The following GOLGA6L7 variants were observed in gnomAD, a reference collection of about 807,000 sequenced individuals.
The protein encoded by GOLGA6L7 is golgin A6 family like 7.
Under a neutral mutation model 68.9 loss-of-function variants are expected in GOLGA6L7, and 29 were observed. That is an observed-to-expected ratio of 0.42 (90% CI 0.31 to 0.57). GOLGA6L7 has a LOEUF of 0.57. Ranked by LOEUF, GOLGA6L7 falls within the 20% of genes least tolerant of loss-of-function variation. GOLGA6L7 has a pLI of 0.13. For missense variants in GOLGA6L7, 396 were observed against 588.4 expected (o/e 0.67, Z 3.38); for synonymous variants, 133 against 197.4 (o/e 0.67, Z 2.73).
intron 2 of GOLGA6L7, among the ~76,000 whole-genome samples, chr15:28,846,523 C>T (rs2030436213): frequency 6.6e-6 from 1 of 152,174 alleles, no homozygotes; most frequent in African/African-American, 2.4e-5. Flanking sequence ...GTGAGAAAAG[C>T]CCACCCTTCT....
In GOLGA6L7 at chr15:28,843,015, C is replaced by G; in HGVS notation, c.1089G>C (p.Trp363Cys). Residue 363 changes from tryptophan (W) to cysteine (C), a missense_variant, in exon 9 of 9, where the codon TGG becomes TGC. Coordinates refer to ENST00000567390, the MANE Select transcript of GOLGA6L7 (RefSeq NM_001365371.2). ...GCTCCCCTATCTGCTCCTCCTGCTT[C>G]CACATCTGCTCCTCCTGCTTCCGCA... is the stretch of plus-strand genomic sequence containing the variant. ...EQMRKQEEQM[W>C]KQEEQIGEQE... is the part of the protein sequence containing the mutation. The G allele has an allele frequency of 8.0e-7, 1 of 1,245,932 alleles. No homozygotes were observed. The highest frequency in any genetic ancestry group is 3.4e-5 in the South Asian group (1 of 29,734). The allele number at this position is 1,245,932 out of a possible 1,614,324, so 77.2% of individuals were successfully genotyped here.
intron 2 of GOLGA6L7, 80 bp from the exon 3 acceptor site, chr15:28,846,329 T>C (rs1595357794): frequency 8.2e-6 from 6 of 731,796 alleles, no homozygotes; most frequent in Non-Finnish European, 1.5e-5. Flanking sequence ...TAGGCAGGGG[T>C]CAGGAATGGA....
rs1325416569 is a variant in GOLGA6L7 at position 28,843,279 on chromosome 15, C to G, written c.825G>C (p.Glu275Asp). The G allele has an allele frequency of 1.2e-5, 15 of 1,266,178 alleles. No homozygotes were observed. The African/African-American group carries it at 1.7e-4, about 14-fold the overall frequency. The allele number at this position is 1,266,178 out of a possible 1,614,324, so 78.4% of individuals were successfully genotyped here. ...GCTCCTCCTGCTCCTGCATCTGCTG[C>G]TCCTGCTCCCGCAGCTCCTTCTCCT... ...RDQEKELREQ[E>D]QQMQEQEEQM... The change falls in exon 9 of 9, where the codon GAG becomes GAC. Residue 275 changes from glutamate to aspartate, a missense_variant. Physicochemically the swap from Glu to Asp is conservative, Grantham distance 45. Transcript: ENST00000567390.
chr15:28,842,489 T>C lies in GOLGA6L7; in HGVS notation c.1615A>G (p.Lys539Glu). 1.7e-5 allele frequency: 19 copies of C among 1,149,568 alleles called. No homozygotes were observed. The highest frequency in any genetic ancestry group is 2.1e-5 in the Non-Finnish European group (19 of 902,808). 71.2% of individuals were successfully genotyped at this position (1,149,568 alleles called of 1,614,324 possible). The change falls in exon 9 of 9, where the codon AAG becomes GAG. Residue 539 changes from lysine (K) to glutamate (E), a missense_variant. Lys to Glu is a moderately conservative substitution (Grantham distance 56). This residue lies in a region of GOLGA6L7 where 125 missense variants were observed against 163.3 expected (regional missense o/e 0.77). Transcript: ENST00000567390. ...TCTGAGCACCGCTCCTCCTGCGTCT[T>C]CTCCTGCTCTCCCATCCTCTCCTTC... is the stretch of plus-strand genomic sequence containing the variant. ...EKKERMGEQE[K>E]TQEERCSEPC...
At chr15:28,844,119 C>T (rs905727469) in intron 7 of GOLGA6L7, 86 bp downstream of exon 7, 1 of 520,644 alleles carries the variant, frequency 1.9e-6, no homozygotes, top group African/African-American at 2.0e-5. Flanking sequence ...TGACCCCCTA[C>T]CATGCTCACC....
Position 28,847,067 on chromosome 15 carries a change from C to G in GOLGA6L7, c.177G>C (p.Glu59Asp). The G allele has an allele frequency of 9.4e-7, 1 of 1,060,730 alleles. No individual in the cohort carries two copies. The highest frequency in any genetic ancestry group is 1.4e-6 in the Non-Finnish European group (1 of 702,078). 65.7% of individuals were successfully genotyped at this position (1,060,730 alleles called of 1,614,324 possible). A position where few individuals can be genotyped will look rare whatever the true frequency, so the allele number is the denominator to read the frequency against. ...AGACCGGCCAGCCAAGACTCACATC[C>G]TCAGGCGAGTGGCAGCCCCCCGAAG... ...TTTSGGCHSP[E>D]DKQQNRAQLK... The change falls in exon 2 of 9, where the codon GAG (glutamate) becomes GAC (aspartate). Residue 59 changes from glutamate (E) to aspartate (D), a missense_variant. Glu to Asp is a conservative substitution (Grantham distance 45). Coordinates refer to ENST00000567390, the MANE Select transcript of GOLGA6L7 (RefSeq NM_001365371.2).
intron 1 of GOLGA6L7, among the ~76,000 whole-genome samples, chr15:28,847,565 A>G (rs931150134): frequency 2.0e-5 from 3 of 152,272 alleles, no homozygotes; most frequent in African/African-American, 7.2e-5. Context: ...TTTCTGTTAA[A>G]TGTGGGAATT....
intron 6 of GOLGA6L7, 69 bp downstream of exon 6, chr15:28,845,460 G>A (rs745417087): frequency 1.0e-5 from 7 of 701,110 alleles, no homozygotes; most frequent in South Asian, 3.0e-5. Flanking sequence ...CTGCAGAAGG[G>A]ACCTTTAGGC....
intron 1 of GOLGA6L7, among the ~76,000 whole-genome samples, chr15:28,847,459 G>A (rs1237693488): frequency 1.3e-5 from 2 of 151,754 alleles, no homozygotes; most frequent in African/African-American, 2.4e-5. Flanking sequence ...CAGAGGCAGA[G>A]GTAGAAAAGT....
At chr15:28,844,356 A>G (rs895891957) in intron 6 of GOLGA6L7, 93 bp from the exon 7 acceptor site, 4 of 411,620 alleles carry the variant, frequency 9.7e-6, no homozygotes, top group Middle Eastern at 3.6e-4. Flanking sequence ...CCACAGTAAC[A>G]CTTGCTCCTC....
chr15:28,845,473 A>G (rs2030389155), intron 6 of GOLGA6L7, 56 bp downstream of exon 6: 1 of 701,750 alleles, frequency 1.4e-6, no homozygotes. Flanking sequence ...CTTTAGGCTC[A>G]TTCCTCCATC....
chr15:28,848,464 T>C, intron 1 of GOLGA6L7, 35 bp downstream of exon 1: 1 of 698,972 alleles, frequency 1.4e-6, no homozygotes, highest in East Asian at 2.7e-5. Context: ...TGGGGCTGGG[T>C]TGGGGTTGGG....
Position 28,842,550 on chromosome 15 carries a change from C to T in GOLGA6L7, c.1554G>A (p.Glu518=), listed in dbSNP as rs2030228812. 8.1e-7 allele frequency: 1 copy of T among 1,236,366 alleles called. No homozygotes were observed. Among genetic ancestry groups the T allele is most frequent in the Non-Finnish European group, 1.0e-6 (1 of 985,118 alleles). 76.6% of individuals were successfully genotyped at this position (1,236,366 alleles called of 1,614,324 possible). A position where few individuals can be genotyped will look rare whatever the true frequency, so the allele number is the denominator to read the frequency against. ...DEYEKMQEEE[E]KIRRQVEKRR... ...TCTTCTCCACCTGCCTCCGGATCTTCTCCTCCTCCTCCTGCATCTTCTCAT... is the reference window on the plus strand; with the variant it reads ...TCTTCTCCACCTGCCTCCGGATCTTTTCCTCCTCCTCCTGCATCTTCTCAT... The change falls in exon 9 of 9, where the codon GAG becomes GAA. Residue 518 remains glutamate (E), a synonymous_variant. Coordinates refer to ENST00000567390, the MANE Select transcript of GOLGA6L7 (RefSeq NM_001365371.2).
In GOLGA6L7 at chr15:28,845,549, C is replaced by T; in HGVS notation, c.442G>A (p.Glu148Lys). 1.4e-6 allele frequency: 1 copy of T among 738,128 alleles called. No homozygotes were observed. 45.7% of individuals were successfully genotyped at this position (738,128 alleles called of 1,614,324 possible). A position where few individuals can be genotyped will look rare whatever the true frequency, so the allele number is the denominator to read the frequency against. Residue 148 changes from glutamate (E) to lysine (K), a missense_variant, in exon 6 of 9, where the codon GAG becomes AAG. Around this residue, in one of 5 missense-constraint regions of GOLGA6L7, gnomAD observed 125 missense variants for 119.4 expected, o/e 1.05. Coordinates refer to ENST00000567390, the MANE Select transcript of GOLGA6L7 (RefSeq NM_001365371.2). ...CTCACCTTGTCCGCCCTCTCGTGCT[C>T]TGCGGACATAGCAGAGAGAGCCCGC... is the stretch of plus-strand genomic sequence containing the variant. The part of the protein sequence containing the change: ...LQRALSAMSA[E>K]HERADKYIKE...
chr15:28,844,430 C>CTTTTTTTT (rs3062970), intron 6 of GOLGA6L7, among the ~76,000 whole-genome samples, 167 bp from the exon 7 acceptor site: 18 of 128,732 alleles, frequency 1.4e-4, no homozygotes, highest in African/African-American at 5.3e-4. Flanking sequence ...TTTTTCTTTT[C>CTTTTTTTT]TTTTTTTTTT....
chr15:28,844,071 G>A (rs1173169889), intron 7 of GOLGA6L7, 134 bp downstream of exon 7: 6 of 567,528 alleles, frequency 1.1e-5, no homozygotes, highest in Admixed American at 3.1e-5. Context: ...TGGCACAGCC[G>A]GCACTGGAGC....
chr15:28,842,389 C>T lies in GOLGA6L7; in HGVS notation c.1715G>A (p.Gly572Glu), dbSNP rs2030219725. Residue 572 changes from glycine to glutamate, a missense_variant, in exon 9 of 9, where the codon GGG becomes GAG. Coordinates refer to ENST00000567390, the MANE Select transcript of GOLGA6L7 (RefSeq NM_001365371.2). Reference sequence around the variant, plus strand: ...GCGGTTGTCATGGGAATAACCCTTCCCGGCCTCTCGTGCAGGCTCCAGGCT... The same window carrying T: ...GCGGTTGTCATGGGAATAACCCTTCTCGGCCTCTCGTGCAGGCTCCAGGCT... ...PGSLEPAREA[G>E]KGYSHDNRTA... The T allele has an allele frequency of 8.2e-7, 1 of 1,226,296 alleles. No homozygotes were observed. Among genetic ancestry groups the T allele is most frequent in the African/African-American group, 1.6e-5 (1 of 64,150 alleles). 76.0% of individuals were successfully genotyped at this position (1,226,296 alleles called of 1,614,324 possible).
chr15:28,847,074 G>A lies in GOLGA6L7; in HGVS notation c.170C>T (p.Ser57Leu), dbSNP rs754978869. Residue 57 changes from serine to leucine, a missense_variant, in exon 2 of 9, where the codon TCG becomes TTG. Around this residue, in one of 5 missense-constraint regions of GOLGA6L7, gnomAD observed 18 missense variants for 56.5 expected, o/e 0.32. Coordinates refer to ENST00000567390, the MANE Select transcript of GOLGA6L7 (RefSeq NM_001365371.2). ...PETTTSGGCH[S>L]PEDKQQNRAQ... ...CCAGCCAAGACTCACATCCTCAGGC[G>A]AGTGGCAGCCCCCCGAAGTGGTTGT... The A allele has an allele frequency of 1.3e-5, 14 of 1,063,964 alleles. No homozygotes were observed. Among genetic ancestry groups the A allele is most frequent in the South Asian group, 2.6e-5 (2 of 77,884 alleles). 65.9% of individuals were successfully genotyped at this position (1,063,964 alleles called of 1,614,324 possible). A position where few individuals can be genotyped will look rare whatever the true frequency, so the allele number is the denominator to read the frequency against.
Position 28,843,265 on chromosome 15 carries a change from T to C in GOLGA6L7, c.839A>G (p.Glu280Gly), listed in dbSNP as rs2030283774. ...CTGCTTCCGCATCTGCTCCTCCTGC[T>C]CCTGCATCTGCTGCTCCTGCTCCCG... is the stretch of plus-strand genomic sequence containing the variant. ...ELREQEQQMQ[E>G]QEEQMRKQEE... Residue 280 changes from glutamate to glycine, a missense_variant, in exon 9 of 9, where the codon GAG becomes GGG. Physicochemically the swap from Glu to Gly is moderately conservative, Grantham distance 98. Around this residue, in one of 5 missense-constraint regions of GOLGA6L7, gnomAD observed 114 missense variants for 186.0 expected, o/e 0.61. Coordinates refer to ENST00000567390, the MANE Select transcript of GOLGA6L7 (RefSeq NM_001365371.2). 1 of 1,286,146 alleles carries C rather than the reference T, an allele frequency of 7.8e-7. No homozygotes were observed. The highest frequency in any genetic ancestry group is 1.6e-5 in the African/African-American group (1 of 64,350). The allele number at this position is 1,286,146 out of a possible 1,614,324, so 79.7% of individuals were successfully genotyped here.
Sources: allele counts gnomAD v4.1 joint callset (sites outside exome capture counted in the v4.1 genomes callset), GRCh38; gene constraint gnomAD v4.1.1; regional missense constraint gnomAD v4.1.1; transcripts MANE v1.5; gene names NCBI Gene and HGNC (gene_info 2026-07-23, HGNC 2026-07-21).